UVRAG: variants seen among roughly 807,000 people sequenced by gnomAD.
UVRAG encodes UV radiation resistance associated.
A neutral mutation model predicts 78.0 loss-of-function variants in UVRAG; 19 were observed. That is an observed-to-expected ratio of 0.24 (90% CI 0.17 to 0.36). The LOEUF (loss-of-function observed/expected upper bound fraction) is 0.36, where lower values mean the gene tolerates loss of function less well. Among genes scored for constraint, UVRAG ranks in the 10% least tolerant of loss-of-function variants. The pLI, the probability that UVRAG is intolerant of heterozygous loss-of-function variation, is 1.00. For missense variants in UVRAG, 740 were observed against 853.8 expected (o/e 0.87, Z 1.66); for synonymous variants, 323 against 324.6 (o/e 1.00, Z 0.05).
chr11:76,022,462 A>G (rs563229700), intron 12 of UVRAG, among the ~76,000 whole-genome samples: 2 of 151,696 alleles, frequency 1.3e-5, no homozygotes, highest in African/African-American at 4.8e-5. Context: ...TATATTTTAG[A>G]CCTCTGTTGT....
At chr11:75,952,568 A>C (rs1157269743) in intron 6 of UVRAG, among the ~76,000 whole-genome samples, 1 of 152,028 alleles carries the variant, frequency 6.6e-6, no homozygotes, top group East Asian at 1.9e-4. Context: ...TTCAAATATT[A>C]TACCAACCTT....
chr11:75,867,207 A>G (rs1331323294), intron 3 of UVRAG, among the ~76,000 whole-genome samples: 2 of 152,224 alleles, frequency 1.3e-5, no homozygotes, highest in Non-Finnish European at 2.9e-5. Flanking sequence ...TTTATAGTTC[A>G]TAAGTATACA....
chr11:76,012,645 C>T lies in UVRAG; in HGVS notation c.1060+3778C>T, dbSNP rs368447568. ...GGTGATACTGTTTGAGAAACTCCACCGTAGTGCTCCAACATTAGTGTGCTT... is the reference window on the plus strand; with the variant it reads ...GGTGATACTGTTTGAGAAACTCCACTGTAGTGCTCCAACATTAGTGTGCTT... On this transcript the variant is annotated intron_variant, in intron 11 of 14. Transcript: ENST00000356136. Among the ~76,000 whole-genome samples, 14 of 152,088 alleles carry T rather than the reference C, an allele frequency of 9.2e-5. No homozygotes were observed. The East Asian group carries it at 9.7e-4, about 10-fold the overall frequency.
At chr11:76,033,288 GAGA>G (rs1950470512) in intron 12 of UVRAG, among the ~76,000 whole-genome samples, 1 of 152,162 alleles carries the variant, frequency 6.6e-6, no homozygotes, top group Non-Finnish European at 1.5e-5. Flanking sequence ...CAGAAAGGTG[GAGA>G]AGAATAGAGA....
At chr11:76,038,914 T>G (rs1437625556) in intron 12 of UVRAG, among the ~76,000 whole-genome samples, 3 of 152,164 alleles carry the variant, frequency 2.0e-5, no homozygotes, top group Admixed American at 1.3e-4. Flanking sequence ...TGAATGAGCT[T>G]GGAAGATGAC....
At chr11:75,990,667 G>A (rs1269728235) in intron 8 of UVRAG, among the ~76,000 whole-genome samples, 2 of 152,114 alleles carry the variant, frequency 1.3e-5, no homozygotes, top group African/African-American at 4.8e-5. Context: ...TTGCCTAAAT[G>A]TTGTTTTCAC....
At chr11:76,091,883 G>A (rs942303853) in intron 13 of UVRAG, among the ~76,000 whole-genome samples, 4 of 151,482 alleles carry the variant, frequency 2.6e-5, no homozygotes, top group Admixed American at 6.6e-5. Flanking sequence ...TGTCCACAAC[G>A]TGCAGGTTTG....
intron 12 of UVRAG, among the ~76,000 whole-genome samples, chr11:76,047,422 A>G (rs1211293034): frequency 6.6e-6 from 1 of 151,948 alleles, no homozygotes; most frequent in Non-Finnish European, 1.5e-5. Flanking sequence ...CTTCCTGAGG[A>G]TTTTCTCCTC....
chr11:76,064,861 A>G (rs1427268776), intron 12 of UVRAG, among the ~76,000 whole-genome samples: 1 of 152,226 alleles, frequency 6.6e-6, no homozygotes, highest in Non-Finnish European at 1.5e-5. Context: ...ATATCGCAGA[A>G]GTAAGGAAGA....
intron 6 of UVRAG, among the ~76,000 whole-genome samples, chr11:75,920,194 T>A (rs1947950953): frequency 6.6e-6 from 1 of 151,402 alleles, no homozygotes; most frequent in Non-Finnish European, 1.5e-5. Context: ...CCTGGCTAAT[T>A]TTTTGTGTTT....
chr11:75,903,861 A>G (rs1348850075), intron 5 of UVRAG, among the ~76,000 whole-genome samples: 1 of 152,218 alleles, frequency 6.6e-6, no homozygotes, highest in African/African-American at 2.4e-5. Flanking sequence ...CTAATCAGTT[A>G]TCCTACTAAC....
intron 3 of UVRAG, among the ~76,000 whole-genome samples, chr11:75,865,707 C>A (rs141933926): frequency 6.6e-6 from 1 of 151,922 alleles, no homozygotes; most frequent in African/African-American, 2.4e-5. Flanking sequence ...CTCCGCCTCC[C>A]GGGTTCAAAT....
intron 12 of UVRAG, among the ~76,000 whole-genome samples, chr11:76,062,355 A>G (rs889708135): frequency 3.3e-5 from 5 of 152,298 alleles, no homozygotes; most frequent in African/African-American, 1.2e-4. Context: ...CACTGAATAC[A>G]TGTGCATTGT....
chr11:75,878,074 G>A (rs1266793989), intron 3 of UVRAG, among the ~76,000 whole-genome samples: 15 of 150,020 alleles, frequency 1.0e-4, no homozygotes, highest in African/African-American at 3.2e-4. Flanking sequence ...CGGGGCGGCT[G>A]CCGGGCGGAG....
intron 12 of UVRAG, among the ~76,000 whole-genome samples, chr11:76,041,223 C>T (rs1420830166): frequency 1.3e-5 from 2 of 152,046 alleles, no homozygotes; most frequent in South Asian, 2.1e-4. Flanking sequence ...GGGACAAGAT[C>T]GTACGCAATT....
At chr11:75,856,180 G>A (rs551464028) in intron 2 of UVRAG, among the ~76,000 whole-genome samples, 2 of 151,738 alleles carry the variant, frequency 1.3e-5, no homozygotes, top group African/African-American at 4.8e-5. Context: ...TAGTAGAGAC[G>A]GGGTTTCACT....
intron 13 of UVRAG, among the ~76,000 whole-genome samples, chr11:76,066,326 G>A (rs535032523): frequency 1.6e-4 from 24 of 152,222 alleles, no homozygotes; most frequent in Non-Finnish European, 2.4e-4. Context: ...TCCGTATGCC[G>A]TAGTAAGACT....
At chr11:75,816,744 C>T (rs1387676310) in intron 1 of UVRAG, among the ~76,000 whole-genome samples, 1 of 152,150 alleles carries the variant, frequency 6.6e-6, no homozygotes, top group Non-Finnish European at 1.5e-5. Flanking sequence ...TTTCATACAC[C>T]CCTCCAACTT....
At chr11:76,095,431 G>A (rs1951770437) in intron 13 of UVRAG, among the ~76,000 whole-genome samples, 1 of 151,630 alleles carries the variant, frequency 6.6e-6, no homozygotes, top group Non-Finnish European at 1.5e-5. Context: ...TCTTTGTTAA[G>A]CTAATTAAGC....
Sources: allele counts gnomAD v4.1 joint callset (sites outside exome capture counted in the v4.1 genomes callset), GRCh38; gene constraint gnomAD v4.1.1; transcripts MANE v1.5; gene names NCBI Gene and HGNC (gene_info 2026-07-23, HGNC 2026-07-21).